Variants in MCM3AP observed in about 807,000 individuals in gnomAD.
MCM3AP encodes the protein minichromosome maintenance complex component 3 associated protein.
MCM3AP carries 126 observed loss-of-function variants against 184.1 expected under a neutral mutation model. The ratio of observed to expected loss-of-function variants is 0.68; its 90% CI spans 0.59 to 0.79. MCM3AP has a LOEUF of 0.79. Ranked by LOEUF, MCM3AP falls within the 30% of genes least tolerant of loss-of-function variation. The pLI is 0.00. For synonymous variants in MCM3AP, 1,002 were observed against 979.3 expected (o/e 1.02, Z -0.43); for missense variants, 2,496 against 2,479.2 (o/e 1.01, Z -0.14).
At chr21:46,243,283 C>G in intron 24 of MCM3AP, 182 bp downstream of exon 24, 8 of 797,096 alleles carry the variant, frequency 1.0e-5, no homozygotes, top group Non-Finnish European at 1.6e-5. Flanking sequence ...CAGGCTCTAC[C>G]AGAAACTTCC....
At chr21:46,244,659 G>A (rs1194656810) in intron 23 of MCM3AP, 148 bp downstream of exon 23, 40 of 838,952 alleles carry the variant, frequency 4.8e-5, no homozygotes, top group African/African-American at 6.8e-5. Flanking sequence ...AAAGGAAGGT[G>A]CAGGCGAGCA....
At chr21:46,263,122 G>C (rs534739276) in intron 13 of MCM3AP, among the ~76,000 whole-genome samples, 1 of 151,884 alleles carries the variant, frequency 6.6e-6, no homozygotes, top group Non-Finnish European at 1.5e-5. Flanking sequence ...GAGGTCAGGA[G>C]ATCGAGACCA....
intron 2 of MCM3AP, among the ~76,000 whole-genome samples, chr21:46,280,822 T>G (rs553239306): frequency 6.6e-6 from 1 of 152,178 alleles, no homozygotes; most frequent in African/African-American, 2.4e-5. Flanking sequence ...CTTTTTTTTT[T>G]TGAGACAGAG....
chr21:46,272,249 C>T (rs1280049103), intron 8 of MCM3AP, among the ~76,000 whole-genome samples: 1 of 152,220 alleles, frequency 6.6e-6, no homozygotes, highest in Non-Finnish European at 1.5e-5. Flanking sequence ...AACTCCCTCT[C>T]CTGGTTCACT....
In MCM3AP at chr21:46,280,702, G is replaced by A. The variant is rs117129649; in HGVS notation, c.1444-127C>T. 2,947 of 649,258 alleles carry A rather than the reference G, an allele frequency of 4.5e-3. 40 individuals carry two copies. Among genetic ancestry groups the A allele is most frequent in the East Asian group, 0.038 (1,437 of 38,180 alleles). The allele number at this position is 649,258 out of a possible 1,614,324, so 40.2% of individuals were successfully genotyped here. ...CACCAGGAGCTCCTGTCCTTTGCACGACAGTGATTTCTCCACCCACACGTC... is the reference window on the plus strand; with the variant it reads ...CACCAGGAGCTCCTGTCCTTTGCACAACAGTGATTTCTCCACCCACACGTC... On this transcript the variant is annotated intron_variant, in intron 2 of 27. Coordinates refer to ENST00000291688, the MANE Select transcript of MCM3AP (RefSeq NM_003906.5).
In MCM3AP at chr21:46,264,172, T is replaced by G; in HGVS notation, c.3280A>C (p.Arg1094=). The change falls in exon 13 of 28, where the codon AGG becomes CGG. Residue 1094 remains arginine (R), a synonymous_variant. Coordinates refer to ENST00000291688, the MANE Select transcript of MCM3AP (RefSeq NM_003906.5). ...VDELIQEALQ[R]DCEEVGSAGA... Reference sequence around the variant, plus strand: ...GCAGAGCCAACTTCCTCACAGTCCCTCTGCAGGGCCTCCTGGATGAGCTCG... The same window carrying G: ...GCAGAGCCAACTTCCTCACAGTCCCGCTGCAGGGCCTCCTGGATGAGCTCG... 6.2e-7 allele frequency: 1 copy of G among 1,613,866 alleles called. No homozygotes were observed. The highest frequency in any genetic ancestry group is 8.5e-7 in the Non-Finnish European group (1 of 1,179,944).
chr21:46,270,589 G>A (rs1380414329), intron 8 of MCM3AP, 26 bp from the exon 9 acceptor site: 2 of 1,551,210 alleles, frequency 1.3e-6, no homozygotes, highest in Admixed American at 2.1e-5. Flanking sequence ...GAGAAAAGGG[G>A]TTGGAATGTT....
intron 2 of MCM3AP, among the ~76,000 whole-genome samples, chr21:46,282,608 T>C (rs1477358819): frequency 6.6e-6 from 1 of 151,944 alleles, no homozygotes; most frequent in Non-Finnish European, 1.5e-5. Context: ...ATCGAGACCA[T>C]CCTGGCTGAC....
chr21:46,243,440 T>C (rs746538688), intron 24 of MCM3AP, 25 bp downstream of exon 24: 1 of 1,578,118 alleles, frequency 6.3e-7, no homozygotes, highest in African/African-American at 1.3e-5. Flanking sequence ...GAGGAGCTGA[T>C]CCCATTGCAT....
chr21:46,285,737 A>G (rs767742650), upstream of MCM3AP: 5 of 158,044 alleles, frequency 3.2e-5, no homozygotes, highest in Non-Finnish European at 5.6e-5. Context: ...ACTTCCTCCA[A>G]TCTCTACAGC....
chr21:46,265,966 T>C lies in MCM3AP; in HGVS notation c.2990A>G (p.Glu997Gly). 1 of 1,600,624 alleles carries C rather than the reference T, an allele frequency of 6.2e-7. No individual in the cohort carries two copies. Among genetic ancestry groups the C allele is most frequent in the Non-Finnish European group, 8.5e-7 (1 of 1,171,962 alleles). Residue 997 changes from glutamate to glycine, a missense_variant, in exon 11 of 28, where the codon GAG becomes GGG. Glu to Gly is a moderately conservative substitution (Grantham distance 98, BLOSUM62 -2). Transcript: ENST00000291688. The stretch of plus-strand genomic sequence containing the variant: ...GGGTCTCTGGGTGCTGACGGGCAGC[T>C]CCGCGGCCAGGCTCTCCCCGATGTA... ...NKYIGESLAA[E>G]LPVSTQRPGS... is the part of the protein sequence containing the mutation.
At position 46,251,942 on chromosome 21, in the gene MCM3AP, A is replaced by G. The variant is rs142311644; in HGVS notation, c.4137-260T>C. The G allele has an allele frequency of 9.0e-5, 24 of 266,564 alleles. No homozygotes were observed. The East Asian group carries it at 1.2e-3, about 13-fold the overall frequency. The allele number at this position is 266,564 out of a possible 1,614,324, so 16.5% of individuals were successfully genotyped here. Reference sequence around the variant, plus strand: ...GCTCTGTCGCCCAAGCTAGAGTGCAATGGCACAAACTTGGCTCACCGCAGC... The same window carrying G: ...GCTCTGTCGCCCAAGCTAGAGTGCAGTGGCACAAACTTGGCTCACCGCAGC... On this transcript the variant is annotated intron_variant, in intron 19 of 27. Coordinates refer to ENST00000291688, the MANE Select transcript of MCM3AP (RefSeq NM_003906.5).
At chr21:46,243,138 G>C (rs970159526) in intron 24 of MCM3AP, 14 of 595,604 alleles carry the variant, frequency 2.4e-5, no homozygotes, top group Non-Finnish European at 3.8e-5. Flanking sequence ...GGTTAAATAG[G>C]CTCCCAGGGT....
chr21:46,243,453 AG>A lies in MCM3AP; in HGVS notation c.5296+11del, dbSNP rs769961124. Reference sequence around the variant, plus strand: ...GTGAGGAGCTGATCCCATTGCATCAAGCTCTAATTACCTGATGTAACAGGAA... The same window carrying A: ...GTGAGGAGCTGATCCCATTGCATCAACTCTAATTACCTGATGTAACAGGAA... On this transcript the variant is annotated intron_variant, in intron 24 of 27. Transcript: ENST00000291688. The A allele has an allele frequency of 6.3e-7, 1 of 1,591,644 alleles. No individual in the cohort carries two copies. Among genetic ancestry groups the A allele is most frequent in the South Asian group, 1.1e-5 (1 of 87,620 alleles).
rs766637601 is a variant in MCM3AP, at chr21:46,254,471, C to T, written c.4057G>A (p.Gly1353Arg). The T allele has an allele frequency of 6.2e-7, 1 of 1,614,138 alleles. No homozygotes were observed. ...LPSLVAEHLP[G>R]RQEHVFWKLV... ...TTCCAAAACACATGCTCCTGCCTCC[C>T]AGGGAGGTGCTCAGCCACGAGGGAT... Residue 1353 changes from glycine to arginine, a missense_variant, in exon 19 of 28, where the codon GGG becomes AGG. This residue lies in a region of MCM3AP where 1,323 missense variants were observed against 1,273.4 expected (regional missense o/e 1.04). Coordinates refer to ENST00000291688, the MANE Select transcript of MCM3AP (RefSeq NM_003906.5).
rs2081039787 is a variant in MCM3AP, at chr21:46,261,422, C to G, written c.3336-11G>C. 6.2e-7 allele frequency: 1 copy of G among 1,613,292 alleles called. No individual in the cohort carries two copies. Among genetic ancestry groups the G allele is most frequent in the Non-Finnish European group, 8.5e-7 (1 of 1,179,676 alleles). On this transcript the variant is annotated splice_polypyrimidine_tract_variant and intron_variant, in intron 13 of 27. Transcript: ENST00000291688. Reference sequence around the variant, plus strand: ...GCAGCATTAGAAACACTAAACGGAGCAAAGGGGATAGCATTCAAAATCAGA... The same window carrying G: ...GCAGCATTAGAAACACTAAACGGAGGAAAGGGGATAGCATTCAAAATCAGA...
In MCM3AP at chr21:46,264,114, C is replaced by A; in HGVS notation, c.3335+3G>T. Reference sequence around the variant, plus strand: ...CAGGAGGGGAGCACGAGATGCCACTCACCCCAGGGCGGCAGCTGCGTAGGC... The same window carrying A: ...CAGGAGGGGAGCACGAGATGCCACTAACCCCAGGGCGGCAGCTGCGTAGGC... On this transcript the variant is annotated splice_donor_region_variant and intron_variant, in intron 13 of 27. Coordinates refer to ENST00000291688, the MANE Select transcript of MCM3AP (RefSeq NM_003906.5). 6.2e-7 allele frequency: 1 copy of A among 1,609,976 alleles called. No individual in the cohort carries two copies. The highest frequency in any genetic ancestry group is 8.5e-7 in the Non-Finnish European group (1 of 1,176,608).
At chr21:46,266,289 A>T in intron 10 of MCM3AP, 123 bp from the exon 11 acceptor site, 1 of 1,098,972 alleles carries the variant, frequency 9.1e-7, no homozygotes, top group Non-Finnish European at 1.3e-6. Context: ...AAATAACAGA[A>T]AGCACAGGCG....
chr21:46,251,672 T>G lies in MCM3AP; in HGVS notation c.4147A>C (p.Asn1383His). Reference sequence around the variant, plus strand: ...CCCATGAACTTGACTTTTAACCAATTTGCTAGAATTCTACAGATTTAAAAA... The same window carrying G: ...CCCATGAACTTGACTTTTAACCAATGTGCTAGAATTCTACAGATTTAAAAA... ...SPESCGRILA[N>H]WLKVKFMGDE... Residue 1383 changes from asparagine to histidine, a missense_variant, in exon 20 of 28, where the codon AAT (asparagine) becomes CAT (histidine). Asn to His is a moderately conservative substitution (Grantham distance 68). Coordinates refer to ENST00000291688, the MANE Select transcript of MCM3AP (RefSeq NM_003906.5). 1 of 1,581,016 alleles carries G rather than the reference T, an allele frequency of 6.3e-7. No individual in the cohort carries two copies. Among genetic ancestry groups the G allele is most frequent in the Non-Finnish European group, 8.7e-7 (1 of 1,155,032 alleles).
Sources: gnomAD v4.1 joint callset for allele counts (sites outside exome capture counted in the v4.1 genomes callset) on GRCh38, gnomAD v4.1.1 for gene constraint, gnomAD v4.1.1 regional missense constraint, MANE v1.5 for transcripts, NCBI Gene and HGNC (gene_info 2026-07-23, HGNC 2026-07-21) for gene names.